The following ARHGEF39 variants were observed in gnomAD, a reference collection of about 807,000 sequenced individuals.
The protein encoded by ARHGEF39 is Rho guanine nucleotide exchange factor 39.
Under a neutral mutation model 47.5 loss-of-function variants are expected in ARHGEF39, and 45 were observed. The ratio of observed to expected loss-of-function variants is 0.95; its 90% CI spans 0.75 to 1.22. ARHGEF39 has a LOEUF of 1.22. Ranked by LOEUF, ARHGEF39 falls within the 50% of genes most tolerant of loss-of-function variation. The probability of loss-of-function intolerance (pLI) is 0.00; values close to 1 mark genes in which losing one functional copy is unlikely to be tolerated. For synonymous variants in ARHGEF39, 164 were observed against 167.8 expected (o/e 0.98, Z 0.17); for missense variants, 411 against 425.3 (o/e 0.97, Z 0.30).
At position 35,661,337 on chromosome 9, in the gene ARHGEF39, C is replaced by T. The variant is rs1823936759; in HGVS notation, c.*650G>A. On this transcript the variant is annotated 3_prime_UTR_variant, in exon 9 of 9. Coordinates refer to ENST00000378387, the MANE Select transcript of ARHGEF39 (RefSeq NM_032818.3). ...GTGACAGCAGAGAAGATAGAGGGAGCTCCAGCTCTTTTCCTCGTATTCCTG... is the reference window on the plus strand; with the variant it reads ...GTGACAGCAGAGAAGATAGAGGGAGTTCCAGCTCTTTTCCTCGTATTCCTG... 1.7e-6 allele frequency: 1 copy of T among 571,466 alleles called. No homozygotes were observed. Among genetic ancestry groups the T allele is most frequent in the Non-Finnish European group, 3.0e-6 (1 of 331,978 alleles). The allele number at this position is 571,466 out of a possible 1,614,324, so 35.4% of individuals were successfully genotyped here.
Position 35,661,251 on chromosome 9 carries a change from G to A in ARHGEF39, c.*736C>T, listed in dbSNP as rs979749244. 6.0e-6 allele frequency: 7 copies of A among 1,170,052 alleles called. No homozygotes were observed. Among genetic ancestry groups the A allele is most frequent in the African/African-American group, 3.1e-5 (2 of 65,180 alleles). 72.5% of individuals were successfully genotyped at this position (1,170,052 alleles called of 1,614,324 possible). On this transcript the variant is annotated 3_prime_UTR_variant, in exon 9 of 9. Transcript: ENST00000378387. ...GTACACACCCATACTAGGTGCCTAA[G>A]GACAACTGGGCCTTCTTGAAGAGCT...
Position 35,663,059 on chromosome 9 carries a change from A to G in ARHGEF39, c.560T>C (p.Ile187Thr). Reference protein sequence around the residue: ...HQQLTRAARLISETAQRVHTI... With the variant: ...HQQLTRAARLTSETAQRVHTI... ...ATGGACTCTCTGGGCAGTCTCACTTATCAGTCGGGCAGCCCCTGGAATAAC... is the reference window on the plus strand; with the variant it reads ...ATGGACTCTCTGGGCAGTCTCACTTGTCAGTCGGGCAGCCCCTGGAATAAC... Residue 187 changes from isoleucine (I) to threonine (T), a missense_variant, in exon 6 of 9, where the codon ATA becomes ACA. Physicochemically the swap from Ile to Thr is moderately conservative, Grantham distance 89. Transcript: ENST00000378387. The G allele has an allele frequency of 1.9e-6, 3 of 1,613,502 alleles. No individual in the cohort carries two copies. Among genetic ancestry groups the G allele is most frequent in the Non-Finnish European group, 2.5e-6 (3 of 1,179,566 alleles).
chr9:35,662,111 C>T (rs1823978599), intron 8 of ARHGEF39, 68 bp downstream of exon 8: 1 of 1,599,134 alleles, frequency 6.3e-7, no homozygotes, highest in Non-Finnish European at 8.6e-7. Context: ...GGGCATGAGA[C>T]AGGAACTGCA....
rs1460927057 is a variant in ARHGEF39, at chr9:35,664,078, C to T, written c.403G>A (p.Glu135Lys). The change falls in exon 4 of 9, where the codon GAA becomes AAA. Residue 135 changes from glutamate to lysine, a missense_variant. Transcript: ENST00000378387. ...AGGCCCCCAAACTCAGGGCGGCCTT[C>T]CTGAAGCCGTACAAACCTCCGGAAA... ...KGFRRFVRLQ[E>K]GRPEFGGLQL... 2.5e-6 allele frequency: 4 copies of T among 1,613,988 alleles called. No individual in the cohort carries two copies. Among genetic ancestry groups the T allele is most frequent in the Admixed American group, 3.3e-5 (2 of 59,992 alleles).
chr9:35,661,196 T>C lies in ARHGEF39; in HGVS notation c.*791A>G. ...AAAGTCTGTTTTCATGATGGAGTGC[T>C]CCTGTGTGTTTTTTCGATCCTAGTT... is the stretch of plus-strand genomic sequence containing the variant. On this transcript the variant is annotated 3_prime_UTR_variant, in exon 9 of 9. Coordinates refer to ENST00000378387, the MANE Select transcript of ARHGEF39 (RefSeq NM_032818.3). 1 of 1,575,350 alleles carries C rather than the reference T, an allele frequency of 6.3e-7. No homozygotes were observed. Among genetic ancestry groups the C allele is most frequent in the Non-Finnish European group, 8.6e-7 (1 of 1,158,864 alleles).
intron 2 of ARHGEF39, 44 bp downstream of exon 2, chr9:35,664,712 C>T: frequency 6.3e-7 from 1 of 1,581,334 alleles, no homozygotes; most frequent in East Asian, 2.2e-5. Flanking sequence ...GGCCACAGGC[C>T]AGGACTCTCC....
rs778608958 is a variant in ARHGEF39 at position 35,664,506 on chromosome 9, G to T, written c.234-14C>A. On this transcript the variant is annotated splice_polypyrimidine_tract_variant and intron_variant, in intron 2 of 8. Coordinates refer to ENST00000378387, the MANE Select transcript of ARHGEF39 (RefSeq NM_032818.3). ...GGAAGCAGCTCCCTGTGTGGGCAAG[G>T]ACAGCAAAAGGGCAGCTCTAGAACC... is the stretch of plus-strand genomic sequence containing the variant. 6.3e-7 allele frequency: 1 copy of T among 1,589,504 alleles called. No individual in the cohort carries two copies. Among genetic ancestry groups the T allele is most frequent in the South Asian group, 1.1e-5 (1 of 87,122 alleles).
chr9:35,664,148 T>G, intron 3 of ARHGEF39, 22 bp from the exon 4 acceptor site: 2 of 1,608,648 alleles, frequency 1.2e-6, no homozygotes, highest in East Asian at 4.5e-5. Flanking sequence ...GAGAAAGGAT[T>G]GGAAGCAGGG....
chr9:35,664,906 A>G, intron 1 of ARHGEF39, 56 bp from the exon 2 acceptor site: 1 of 1,573,000 alleles, frequency 6.4e-7, no homozygotes, highest in Non-Finnish European at 8.6e-7. Flanking sequence ...GCTAACGCCA[A>G]GCGCCCCCAG....
In ARHGEF39 at chr9:35,660,558, G is replaced by GCAACAGCTGGCCCAGTTGACA. The variant is rs764290730; in HGVS notation, c.*1408_*1428dup. On this transcript the variant is annotated 3_prime_UTR_variant, in exon 9 of 9. Coordinates refer to ENST00000378387, the MANE Select transcript of ARHGEF39 (RefSeq NM_032818.3). ...CCCCCTTTTTTCCCTTATCCCCAGA[G>GCAACAGCTGGCCCAGTTGACA]CAACAGCTGGCCCAGTTGACACAAC... 6.2e-7 allele frequency: 1 copy of GCAACAGCTGGCCCAGTTGACA among 1,614,178 alleles called. No individual in the cohort carries two copies. Among genetic ancestry groups the GCAACAGCTGGCCCAGTTGACA allele is most frequent in the Non-Finnish European group, 8.5e-7 (1 of 1,180,044 alleles).
chr9:35,662,678 C>G lies in ARHGEF39; in HGVS notation c.737G>C (p.Arg246Pro), dbSNP rs367912783. The change falls in exon 7 of 9, where the codon CGC (arginine) becomes CCC (proline). Residue 246 changes from arginine (R) to proline (P), a missense_variant. By Grantham distance (103) the Arg-to-Pro change is moderately radical (BLOSUM62 -2). Transcript: ENST00000378387. ...VVPPHGEPRP[R>P]MFFLFTDVLL... ...CACATCAGTGAAGAGGAAGAACATGCGGGGCCGAGGCTCCCCATGGGGAGG... is the reference window on the plus strand; with the variant it reads ...CACATCAGTGAAGAGGAAGAACATGGGGGGCCGAGGCTCCCCATGGGGAGG... 4 of 1,595,394 alleles carry G rather than the reference C, an allele frequency of 2.5e-6. No individual in the cohort carries two copies. Among genetic ancestry groups the G allele is most frequent in the Non-Finnish European group, 3.4e-6 (4 of 1,171,150 alleles).
Position 35,660,551 on chromosome 9 carries a change from C to T in ARHGEF39, c.*1436G>A. On this transcript the variant is annotated 3_prime_UTR_variant, in exon 9 of 9. Coordinates refer to ENST00000378387, the MANE Select transcript of ARHGEF39 (RefSeq NM_032818.3). The stretch of plus-strand genomic sequence containing the variant: ...ACTTCTGCCCCCTTTTTTCCCTTAT[C>T]CCCAGAGCAACAGCTGGCCCAGTTG... The T allele has an allele frequency of 6.2e-7, 1 of 1,613,742 alleles. No individual in the cohort carries two copies. The highest frequency in any genetic ancestry group is 8.5e-7 in the Non-Finnish European group (1 of 1,179,880).
chr9:35,660,543 TCCC>T lies in ARHGEF39; in HGVS notation c.*1441_*1443del. ...ACATAACCACTTCTGCCCCCTTTTT[TCCC>T]TTATCCCCAGAGCAACAGCTGGCCC... On this transcript the variant is annotated 3_prime_UTR_variant, in exon 9 of 9. Coordinates refer to ENST00000378387, the MANE Select transcript of ARHGEF39 (RefSeq NM_032818.3). The T allele has an allele frequency of 6.2e-7, 1 of 1,614,056 alleles. No homozygotes were observed. Among genetic ancestry groups the T allele is most frequent in the Non-Finnish European group, 8.5e-7 (1 of 1,179,976 alleles).
In ARHGEF39 at chr9:35,664,715, G is replaced by A. The variant is rs1824143286; in HGVS notation, c.233+41C>T. Reference sequence around the variant, plus strand: ...AGCTCTGTGCACGGCCACAGGCCAGGACTCTCCCTCCTTTCCTCTCCCTGT... The same window carrying A: ...AGCTCTGTGCACGGCCACAGGCCAGAACTCTCCCTCCTTTCCTCTCCCTGT... On this transcript the variant is annotated intron_variant, in intron 2 of 8. Transcript: ENST00000378387. 1.9e-6 allele frequency: 3 copies of A among 1,584,088 alleles called. No individual in the cohort carries two copies. The East Asian group carries it at 6.7e-5, about 35-fold the overall frequency.
Position 35,662,279 on chromosome 9 carries a change from C to G in ARHGEF39, c.904-12G>C, listed in dbSNP as rs1224099040. 2 of 1,610,322 alleles carry G rather than the reference C, an allele frequency of 1.2e-6. No individual in the cohort carries two copies. The highest frequency in any genetic ancestry group is 1.7e-6 in the Non-Finnish European group (2 of 1,176,688). ...TGAGGGAAGGACAGCTAGAGAGAGA[C>G]CACCTCTTAGCGCATGGCTCAGAAA... On this transcript the variant is annotated splice_polypyrimidine_tract_variant and intron_variant, in intron 7 of 8. Transcript: ENST00000378387.
In ARHGEF39 at chr9:35,662,533, GC is replaced by G; in HGVS notation, c.881del (p.Gly294AlafsTer33). ...TTACACTGAGCAACCCACCACAAGG[GC>G]CTCCTGAGTGGCCAAAGACCCTGCT... Reference protein sequence around the residue: ...HLSRVFGHSGGPCGGLLSLSF... With the variant: ...HLSRVFGHSGXPCGGLLSLSF... On this transcript the variant is annotated frameshift_variant, in exon 7 of 9. Coordinates refer to ENST00000378387, the MANE Select transcript of ARHGEF39 (RefSeq NM_032818.3). LOFTEE classifies it high-confidence loss of function. The G allele has an allele frequency of 3.7e-6, 6 of 1,613,926 alleles. No individual in the cohort carries two copies. Among genetic ancestry groups the G allele is most frequent in the Non-Finnish European group, 5.1e-6 (6 of 1,179,894 alleles).
At chr9:35,663,563 A>G (rs757315762) in intron 4 of ARHGEF39, among the ~76,000 whole-genome samples, 171 bp from the exon 5 acceptor site, 1 of 152,140 alleles carries the variant, frequency 6.6e-6, no homozygotes, top group South Asian at 2.1e-4. Flanking sequence ...CTCACACCAC[A>G]CAGCCCTCTT....
At position 35,663,319 on chromosome 9, in the gene ARHGEF39, T is replaced by C; in HGVS notation, c.544+3A>G. 2 of 1,613,958 alleles carry C rather than the reference T, an allele frequency of 1.2e-6. No individual in the cohort carries two copies. Among genetic ancestry groups the C allele is most frequent in the South Asian group, 2.2e-5 (2 of 91,068 alleles). ...CCTGCGTTGCCGAGGAGCAAGAACC[T>C]ACGTGTGAGCTGTTGATGGTCAGGG... On this transcript the variant is annotated splice_donor_region_variant and intron_variant, in intron 5 of 8. Transcript: ENST00000378387.
intron 5 of ARHGEF39, 88 bp from the exon 6 acceptor site, chr9:35,663,162 G>C: frequency 6.2e-7 from 1 of 1,601,708 alleles, no homozygotes; most frequent in East Asian, 2.2e-5. Context: ...AAGGGACCAG[G>C]GTCAGGGTCT....
Sources: allele counts gnomAD v4.1 joint callset (sites outside exome capture counted in the v4.1 genomes callset), GRCh38; gene constraint gnomAD v4.1.1; transcripts MANE v1.5; gene names NCBI Gene and HGNC (gene_info 2026-07-23, HGNC 2026-07-21).